DPH1: variants seen among roughly 807,000 people sequenced by gnomAD.
The protein encoded by DPH1 is 2-(3-amino-3-carboxypropyl)histidine synthase subunit 1.
Under a neutral mutation model 55.3 loss-of-function variants are expected in DPH1, and 59 were observed. The observed-to-expected ratio is 1.07, with a 90% CI of 0.87 to 1.33. DPH1 has a LOEUF of 1.33. DPH1 is among the 40% of genes most tolerant of loss of function. DPH1 has a pLI of 0.00. For missense variants in DPH1, 628 were observed against 584.8 expected, an observed-to-expected ratio of 1.07 and a Z score of -0.76; for synonymous variants, 238 against 235.5, an observed-to-expected ratio of 1.01 and a Z score of -0.10.
At chr17:2,030,332 C>G in intron 1 of DPH1, 102 bp downstream of exon 1, 1 of 1,324,658 alleles carries the variant, frequency 7.5e-7, no homozygotes, top group South Asian at 1.5e-5. Flanking sequence ...GCGCCTTTCT[C>G]CGCTAGATCC....
intron 9 of DPH1, 141 bp downstream of exon 9, chr17:2,040,746 T>G (rs1358285053): frequency 5.5e-6 from 5 of 917,340 alleles, no homozygotes; most frequent in Non-Finnish European, 8.3e-6. Context: ...CTGGGAGGGC[T>G]AACTGGGTCA....
rs140382122 is a variant in DPH1 at position 2,033,598 on chromosome 17, A to G, written c.155A>G (p.Asn52Ser). The change falls in exon 2 of 13, where the codon AAC (asparagine) becomes AGC (serine). Residue 52 changes from asparagine (N) to serine (S), a missense_variant. Asn to Ser is a conservative substitution (Grantham distance 46). Coordinates refer to ENST00000263083, the MANE Select transcript of DPH1 (RefSeq NM_001383.6). ...LQAAIRVLPS[N>S]YNFEIPKTIW... ...GCAGCAATCCGGGTCCTGCCTTCCA[A>G]CTACAACTTTGAGATCCCCAAGACC... The G allele has an allele frequency of 3.7e-6, 6 of 1,614,190 alleles. No homozygotes were observed. The highest frequency in any genetic ancestry group is 4.5e-5 in the East Asian group (2 of 44,884).
rs1291202807 is a variant in DPH1 at position 2,042,917 on chromosome 17, C to T, written c.*331C>T. 6.2e-7 allele frequency: 1 copy of T among 1,614,154 alleles called. No individual in the cohort carries two copies. Among genetic ancestry groups the T allele is most frequent in the Non-Finnish European group, 8.5e-7 (1 of 1,180,034 alleles). ...TTCAAGGAATCCATCCTGCAAAGGC[C>T]CTTGTCATTGCCTTCGCTCCATGTT... On this transcript the variant is annotated 3_prime_UTR_variant, in exon 13 of 13. Transcript: ENST00000263083.
chr17:2,038,268 C>T (rs1055404409), intron 6 of DPH1, among the ~76,000 whole-genome samples: 7 of 151,872 alleles, frequency 4.6e-5, no homozygotes, highest in Non-Finnish European at 1.0e-4. Flanking sequence ...GAGGCTGCAG[C>T]GAGCCATGAC....
chr17:2,035,764 C>T (rs1368265240), intron 3 of DPH1, among the ~76,000 whole-genome samples: 2 of 152,076 alleles, frequency 1.3e-5, no homozygotes, highest in Non-Finnish European at 2.9e-5. Context: ...CACGCAGCAA[C>T]AGTTCCAGGA....
In DPH1 at chr17:2,039,785, G is replaced by A; in HGVS notation, c.711G>A (p.Glu237=). 2 of 1,614,148 alleles carry A rather than the reference G, an allele frequency of 1.2e-6. No individual in the cohort carries two copies. The highest frequency in any genetic ancestry group is 1.7e-6 in the Non-Finnish European group (2 of 1,180,028). ...TTGGAGATGGCCGCTTCCATCTGGA[G>A]TCTGTCATGATTGCCAACCCCAATG... ...VYLGDGRFHL[E]SVMIANPNVP... The change falls in exon 7 of 13, where the codon GAG becomes GAA. Residue 237 remains glutamate, a synonymous_variant. Coordinates refer to ENST00000263083, the MANE Select transcript of DPH1 (RefSeq NM_001383.6).
chr17:2,039,589 G>C (rs2067480854), intron 6 of DPH1, 166 bp from the exon 7 acceptor site: 3 of 729,454 alleles, frequency 4.1e-6, no homozygotes, highest in Non-Finnish European at 2.4e-6. Context: ...GTGTTAGCCA[G>C]GATGGTCTCG....
rs543335975 is a variant in DPH1 at position 2,041,062 on chromosome 17, A to G, written c.1008-41A>G. On this transcript the variant is annotated intron_variant, in intron 9 of 12. Transcript: ENST00000263083. ...TCTTCAGCATGCTGCCTGGGCGACG[A>G]GGAGGCCCTTCCTAGGGTCTGACCT... 28 of 1,566,712 alleles carry G rather than the reference A, an allele frequency of 1.8e-5. 1 individual carries two copies. The South Asian group carries it at 2.6e-4, about 14-fold the overall frequency.
At chr17:2,032,554 G>C (rs951290046) in intron 1 of DPH1, among the ~76,000 whole-genome samples, 10 of 152,182 alleles carry the variant, frequency 6.6e-5, no homozygotes, top group African/African-American at 2.4e-4. Flanking sequence ...GGAGTTAACA[G>C]CTTAGCTGGG....
chr17:2,030,405 G>A (rs969522520), intron 1 of DPH1, among the ~76,000 whole-genome samples, 175 bp downstream of exon 1: 24 of 152,224 alleles, frequency 1.6e-4, no homozygotes, highest in African/African-American at 5.3e-4. Context: ...GAGCCCAGGG[G>A]TACCAGTCTT....
At chr17:2,031,167 T>G (rs1038114972) in intron 1 of DPH1, among the ~76,000 whole-genome samples, 4 of 152,190 alleles carry the variant, frequency 2.6e-5, no homozygotes, top group African/African-American at 9.7e-5. Context: ...ACACCTTTAG[T>G]CTGAGCACTT....
chr17:2,042,170 C>A, intron 12 of DPH1: 1 of 1,462,618 alleles, frequency 6.8e-7, no homozygotes, highest in South Asian at 1.3e-5. Context: ...AGCTCGTGTG[C>A]CTCAGCGGCC....
chr17:2,035,866 T>C (rs1245028306), intron 3 of DPH1, 104 bp from the exon 4 acceptor site: 5 of 1,522,492 alleles, frequency 3.3e-6, no homozygotes, highest in African/African-American at 1.4e-5. Context: ...CTGGGAGAGG[T>C]AGGGAGAGAG....
At position 2,043,073 on chromosome 17, in the gene DPH1, A is replaced by G. The variant is rs752033411; in HGVS notation, c.*487A>G. 1.2e-6 allele frequency: 2 copies of G among 1,613,832 alleles called. No individual in the cohort carries two copies. The highest frequency in any genetic ancestry group is 4.5e-5 in the East Asian group (2 of 44,882). ...GCAGCTGCACCCCAGCGTCAGGCCT[A>G]CCTCAAGTTCTTGGACCAGTTTGCA... is the stretch of plus-strand genomic sequence containing the variant. On this transcript the variant is annotated 3_prime_UTR_variant, in exon 13 of 13. Coordinates refer to ENST00000263083, the MANE Select transcript of DPH1 (RefSeq NM_001383.6).
chr17:2,032,499 C>G (rs1419941204), intron 1 of DPH1, among the ~76,000 whole-genome samples: 1 of 152,202 alleles, frequency 6.6e-6, no homozygotes, highest in Non-Finnish European at 1.5e-5. Context: ...AGAACGAAAG[C>G]TGGGCCAACC....
intron 12 of DPH1, chr17:2,042,378 T>G: frequency 7.7e-7 from 1 of 1,299,672 alleles, no homozygotes; most frequent in Middle Eastern, 2.1e-4. Flanking sequence ...CCATACCCTC[T>G]TTGCTCAAAC....
chr17:2,036,460 C>A lies in DPH1; in HGVS notation c.401-69C>A. 1 of 1,584,692 alleles carries A rather than the reference C, an allele frequency of 6.3e-7. No homozygotes were observed. Among genetic ancestry groups the A allele is most frequent in the Non-Finnish European group, 8.6e-7 (1 of 1,160,622 alleles). ...GCCACTGCGCCTGGCTGCTCAGAGA[C>A]CTGAGCCTGGCCGGGCCCTCTGCTG... On this transcript the variant is annotated intron_variant, in intron 4 of 12. Transcript: ENST00000263083. This position sits in a 1 kb window ranked among gnomAD's most constrained non-coding sequence, Gnocchi z 4.8.
Position 2,036,218 on chromosome 17 carries a change from G to C in DPH1, c.400+127G>C, listed in dbSNP as rs1275001402. On this transcript the variant is annotated intron_variant, in intron 4 of 12. Coordinates refer to ENST00000263083, the MANE Select transcript of DPH1 (RefSeq NM_001383.6). This position sits in a 1 kb window ranked among gnomAD's most constrained non-coding sequence, Gnocchi z 4.8. ...CACAAGGTCCCTCCTGGTTTCTGGG[G>C]TGGCCTCTGCCTTCCCGCTCTGCAG... is the stretch of plus-strand genomic sequence containing the variant. 6 of 1,456,130 alleles carry C rather than the reference G, an allele frequency of 4.1e-6. No homozygotes were observed. The highest frequency in any genetic ancestry group is 4.6e-6 in the Non-Finnish European group (5 of 1,096,756). The allele number at this position is 1,456,130 out of a possible 1,614,324, so 90.2% of individuals were successfully genotyped here. A position where few individuals can be genotyped will look rare whatever the true frequency, so the allele number is the denominator to read the frequency against.
At chr17:2,042,101 C>T in intron 12 of DPH1, 3 of 1,568,746 alleles carry the variant, frequency 1.9e-6, no homozygotes, top group Non-Finnish European at 1.7e-6. Context: ...TCCGGCAGAG[C>T]GAGCGGGGCT....
Sources: gnomAD v4.1 joint callset for allele counts (sites outside exome capture counted in the v4.1 genomes callset) on GRCh38, gnomAD v4.1.1 for gene constraint, Gnocchi (gnomAD v3.1) non-coding constraint, MANE v1.5 for transcripts, NCBI Gene and HGNC (gene_info 2026-07-23, HGNC 2026-07-21) for gene names.